The following CNTLN variants were observed in gnomAD, a reference collection of about 807,000 sequenced individuals.
The protein encoded by CNTLN is centlein.
Under a neutral mutation model 180.0 loss-of-function variants are expected in CNTLN, and 212 were observed. The observed-to-expected ratio is 1.18, with a 90% CI of 1.05 to 1.32. The LOEUF (loss-of-function observed/expected upper bound fraction) is 1.32, where lower values mean the gene tolerates loss of function less well. CNTLN is among the 40% of genes most tolerant of loss of function. The pLI is 0.00. For missense variants in CNTLN, 2,095 were observed against 1,610.9 expected, an observed-to-expected ratio of 1.30 and a Z score of -5.14; for synonymous variants, 722 against 563.1, an observed-to-expected ratio of 1.28 and a Z score of -3.99.
At chr9:17,223,864 A>G (rs1285697513) in intron 2 of CNTLN, among the ~76,000 whole-genome samples, 3 of 151,902 alleles carry the variant, frequency 2.0e-5, no homozygotes, top group Non-Finnish European at 4.4e-5. Flanking sequence ...CTTAGCTACC[A>G]TTTCCTTATC....
At chr9:17,358,481 T>G (rs1311844306) in intron 12 of CNTLN, among the ~76,000 whole-genome samples, 1 of 152,124 alleles carries the variant, frequency 6.6e-6, no homozygotes, top group Non-Finnish European at 1.5e-5. Flanking sequence ...AAAAATATAG[T>G]TACACATAAC....
In CNTLN at chr9:17,464,584, CAA is replaced by C; in HGVS notation, c.3493_3494del (p.Lys1165GlufsTer3). On this transcript the variant is annotated frameshift_variant, in exon 21 of 26. Coordinates refer to ENST00000380647, the MANE Select transcript of CNTLN (RefSeq NM_017738.4). LOFTEE classifies it high-confidence loss of function. ...FRQKVNLESN[K>X]SFSEMLQNLD... ...GACAGAAAGTAAATTTGGAAAGTAACAAGAGTTTTAGTGAAATGTTACAAAAT... is the reference window on the plus strand; with the variant it reads ...GACAGAAAGTAAATTTGGAAAGTAACGAGTTTTAGTGAAATGTTACAAAAT... 2.7e-6 allele frequency: 4 copies of C among 1,494,056 alleles called. No individual in the cohort carries two copies. In the South Asian group the frequency reaches 4.0e-5, roughly 15 times the overall value. 92.5% of individuals were successfully genotyped at this position (1,494,056 alleles called of 1,614,324 possible). A position where few individuals can be genotyped will look rare whatever the true frequency, so the allele number is the denominator to read the frequency against.
chr9:17,291,626 G>T (rs746216370), intron 6 of CNTLN, among the ~76,000 whole-genome samples: 15 of 152,034 alleles, frequency 9.9e-5, no homozygotes, highest in Non-Finnish European at 1.6e-4. Flanking sequence ...TAGGATTGCA[G>T]CCCCTGCTTT....
At chr9:17,495,999 T>A (rs975351595) in intron 25 of CNTLN, among the ~76,000 whole-genome samples, 2 of 152,122 alleles carry the variant, frequency 1.3e-5, no homozygotes, top group African/African-American at 4.8e-5. Flanking sequence ...ATCATCTAGG[T>A]TTGGACAACG....
At chr9:17,204,228 A>G (rs1822756042) in intron 2 of CNTLN, among the ~76,000 whole-genome samples, 1 of 152,080 alleles carries the variant, frequency 6.6e-6, no homozygotes, top group Non-Finnish European at 1.5e-5. Flanking sequence ...GATCATTTGG[A>G]GAAGAGGCAT....
At chr9:17,397,858 T>A (rs1297968413) in intron 15 of CNTLN, among the ~76,000 whole-genome samples, 1 of 152,176 alleles carries the variant, frequency 6.6e-6, no homozygotes, top group African/African-American at 2.4e-5. Context: ...TGATTAGTGT[T>A]ACATTTCCTG....
At chr9:17,188,910 C>G (rs1485898397) in intron 2 of CNTLN, among the ~76,000 whole-genome samples, 2 of 151,356 alleles carry the variant, frequency 1.3e-5, no homozygotes, top group Non-Finnish European at 2.9e-5. Flanking sequence ...TTATGTGTTT[C>G]TACTTCTTTG....
At chr9:17,342,295 A>T (rs1340454054) in intron 11 of CNTLN, 30 bp from the exon 12 acceptor site, 1 of 1,605,678 alleles carries the variant, frequency 6.2e-7, no homozygotes, top group African/African-American at 1.3e-5. Flanking sequence ...AGACATGTTA[A>T]TTGAAAAAGC....
chr9:17,342,293 T>G, intron 11 of CNTLN, 32 bp from the exon 12 acceptor site: 1 of 1,604,448 alleles, frequency 6.2e-7, no homozygotes, highest in Non-Finnish European at 8.5e-7. Context: ...TCAGACATGT[T>G]AATTGAAAAA....
chr9:17,378,894 G>A (rs1460031755), intron 13 of CNTLN, among the ~76,000 whole-genome samples: 5 of 152,038 alleles, frequency 3.3e-5, no homozygotes. Flanking sequence ...TTTCCATCTG[G>A]TGTTATCTTC....
chr9:17,305,762 G>A (rs1282050239), intron 7 of CNTLN, among the ~76,000 whole-genome samples: 1 of 152,178 alleles, frequency 6.6e-6, no homozygotes, highest in Admixed American at 6.5e-5. Flanking sequence ...AAAATGGCTG[G>A]AGGACTATCT....
At chr9:17,468,083 C>T (rs1027005496) in intron 23 of CNTLN, among the ~76,000 whole-genome samples, 1 of 151,546 alleles carries the variant, frequency 6.6e-6, no homozygotes, top group Non-Finnish European at 1.5e-5. Flanking sequence ...AGATCAAGTC[C>T]TTTGCAGCAA....
At chr9:17,217,681 G>A (rs1444261041) in intron 2 of CNTLN, among the ~76,000 whole-genome samples, 1 of 152,078 alleles carries the variant, frequency 6.6e-6, no homozygotes, top group East Asian at 1.9e-4. Context: ...ATCATGAAAG[G>A]CATATAATGC....
chr9:17,399,777 C>T (rs565263329), intron 15 of CNTLN, among the ~76,000 whole-genome samples: 127 of 152,280 alleles, frequency 8.3e-4, no homozygotes, highest in African/African-American at 3.0e-3. Flanking sequence ...AAGATCCTCA[C>T]ATAAGAGGTG....
Position 17,272,208 on chromosome 9 carries a change from C to G in CNTLN, c.850-1525C>G, listed in dbSNP as rs371186146. Among the ~76,000 whole-genome samples the G allele has an allele frequency of 5.3e-5, 8 of 149,626 alleles. No homozygotes were observed. The East Asian group carries it at 1.6e-3, about 31-fold the overall frequency. ...TCTTTTGCCTCAGCCTCCTGAATAG[C>G]TGGGACTACAGGTGCGTGCCACCAT... On this transcript the variant is annotated intron_variant, in intron 5 of 25. Coordinates refer to ENST00000380647, the MANE Select transcript of CNTLN (RefSeq NM_017738.4).
intron 13 of CNTLN, among the ~76,000 whole-genome samples, chr9:17,379,936 C>T (rs1032390567): frequency 4.6e-5 from 7 of 152,146 alleles, no homozygotes; most frequent in Non-Finnish European, 7.4e-5. Context: ...CAATTTATAA[C>T]GTAATGGGTC....
chr9:17,432,742 A>C (rs1388684379), intron 18 of CNTLN, among the ~76,000 whole-genome samples: 1 of 152,134 alleles, frequency 6.6e-6, no homozygotes, highest in Non-Finnish European at 1.5e-5. Context: ...GGATCAGGCC[A>C]AGTGTGGTGG....
chr9:17,399,215 T>C (rs543598864), intron 15 of CNTLN, among the ~76,000 whole-genome samples: 1 of 152,364 alleles, frequency 6.6e-6, no homozygotes, highest in East Asian at 1.9e-4. Context: ...TCCCATGTAT[T>C]ATATGTGTGA....
chr9:17,253,667 G>A (rs77728672), intron 5 of CNTLN, among the ~76,000 whole-genome samples: 2 of 150,732 alleles, frequency 1.3e-5, no homozygotes, highest in Non-Finnish European at 3.0e-5. Context: ...TTTTCTGGTA[G>A]AGTCATTAAA....
Sources: gnomAD v4.1 joint callset for allele counts (sites outside exome capture counted in the v4.1 genomes callset) on GRCh38, gnomAD v4.1.1 for gene constraint, MANE v1.5 for transcripts, NCBI Gene and HGNC (gene_info 2026-07-23, HGNC 2026-07-21) for gene names.